PARD3: variants seen among roughly 807,000 people sequenced by gnomAD.
PARD3 encodes par-3 family cell polarity regulator.
A neutral mutation model predicts 155.4 loss-of-function variants in PARD3; 75 were observed. The ratio of observed to expected loss-of-function variants is 0.48; its 90% CI spans 0.40 to 0.58. PARD3 has a LOEUF of 0.58. Ranked by LOEUF, PARD3 falls within the 20% of genes least tolerant of loss-of-function variation. PARD3 has a pLI of 0.00. For missense variants in PARD3, 1,642 were observed against 1,721.7 expected (o/e 0.95, Z 0.82); for synonymous variants, 576 against 610.5 (o/e 0.94, Z 0.83).
chr10:34,553,269 G>A (rs2084732992), intron 2 of PARD3, among the ~76,000 whole-genome samples: 1 of 152,140 alleles, frequency 6.6e-6, no homozygotes, highest in Admixed American at 6.5e-5. Flanking sequence ...GGAAAGGGCT[G>A]GTTAAAGGAA....
intron 21 of PARD3, among the ~76,000 whole-genome samples, chr10:34,281,333 G>C (rs537310090): frequency 2.5e-4 from 38 of 152,248 alleles, no homozygotes; most frequent in Admixed American, 2.1e-3. Context: ...TGAAAAAATA[G>C]GGTACCTAGG....
chr10:34,666,777 TAAAAAAAA>T (rs771593408), intron 2 of PARD3, among the ~76,000 whole-genome samples: 9 of 17,058 alleles, frequency 5.3e-4, no homozygotes, highest in South Asian at 5.6e-3. Flanking sequence ...CCCCTCCCCC[TAAAAAAAA>T]AAAAAAAAAA....
At chr10:34,239,952 T>C (rs1425199146) in intron 22 of PARD3, among the ~76,000 whole-genome samples, 1 of 152,196 alleles carries the variant, frequency 6.6e-6, no homozygotes, top group Non-Finnish European at 1.5e-5. Context: ...ACATCTGTCA[T>C]AGTTCATTTT....
chr10:34,624,495 G>A (rs557093316), intron 2 of PARD3, among the ~76,000 whole-genome samples: 8 of 152,350 alleles, frequency 5.3e-5, no homozygotes, highest in South Asian at 4.1e-4. Flanking sequence ...ACAGTGAGCC[G>A]TGTCACTTCA....
chr10:34,163,257 G>A (rs185783672), intron 22 of PARD3, among the ~76,000 whole-genome samples: 2 of 152,222 alleles, frequency 1.3e-5, no homozygotes, highest in Admixed American at 6.5e-5. Context: ...AGCCGGTGGG[G>A]GGGAGGACAC....
intron 14 of PARD3, among the ~76,000 whole-genome samples, chr10:34,353,727 A>AT (rs1312848528): frequency 0.036 from 3,221 of 88,574 alleles, 47 homozygotes; most frequent in African/African-American, 0.04. Context: ...AAATAAATAA[A>AT]AAAATAAATA....
chr10:34,304,170 G>T (rs1429680078), intron 20 of PARD3, among the ~76,000 whole-genome samples: 1 of 152,092 alleles, frequency 6.6e-6, no homozygotes, highest in African/African-American at 2.4e-5. Context: ...GAGACAGCTG[G>T]TAAGTTTTTC....
intron 1 of PARD3, among the ~76,000 whole-genome samples, chr10:34,745,388 AAAAGGAAGG>A (rs1329065485): frequency 3.0e-4 from 45 of 151,380 alleles, no homozygotes; most frequent in African/African-American, 9.9e-4. Context: ...GAAAGGAAGT[AAAAGGAAGG>A]AAAGGAAGGA....
chr10:34,388,349 T>C (rs1248748546), intron 7 of PARD3, among the ~76,000 whole-genome samples: 1 of 151,810 alleles, frequency 6.6e-6, no homozygotes, highest in African/African-American at 2.4e-5. Flanking sequence ...GAATGAACTA[T>C]CAAAAGAAAA....
At position 34,517,245 on chromosome 10, in the gene PARD3, A is replaced by G. The variant is rs908993711; in HGVS notation, c.223-86T>C. The G allele has an allele frequency of 7.2e-6, 9 of 1,252,542 alleles. No individual in the cohort carries two copies. The African/African-American group carries it at 1.2e-4, about 17-fold the overall frequency. 77.6% of individuals were successfully genotyped at this position (1,252,542 alleles called of 1,614,324 possible). ...TTGTACTATTTTGACATAATTCTACAGTGCAAAAATACTGATATAAATGAC... is the reference window on the plus strand; with the variant it reads ...TTGTACTATTTTGACATAATTCTACGGTGCAAAAATACTGATATAAATGAC... On this transcript the variant is annotated intron_variant, in intron 2 of 24. Coordinates refer to ENST00000374788, the MANE Select transcript of PARD3 (RefSeq NM_001184785.2).
At chr10:34,420,355 T>C (rs1467302082) in intron 5 of PARD3, among the ~76,000 whole-genome samples, 1 of 152,210 alleles carries the variant, frequency 6.6e-6, no homozygotes, top group Non-Finnish European at 1.5e-5. Context: ...TTATTCCTAC[T>C]TGTTTTAGTA....
At chr10:34,405,525 A>C (rs1357647324) in intron 5 of PARD3, among the ~76,000 whole-genome samples, 1 of 152,220 alleles carries the variant, frequency 6.6e-6, no homozygotes, top group African/African-American at 2.4e-5. Context: ...GAAACCAAAA[A>C]AAAGATAAAT....
In PARD3 at chr10:34,533,442, AT is replaced by A. The variant is rs916381987; in HGVS notation, c.223-16284del. On this transcript the variant is annotated intron_variant, in intron 2 of 24. Coordinates refer to ENST00000374788, the MANE Select transcript of PARD3 (RefSeq NM_001184785.2). ...TGAATCCAAAATAAAAGTTGAAAAT[AT>A]TTTTTTAAAAAAGCAATATTCAATC... Among the ~76,000 whole-genome samples the A allele has an allele frequency of 2.0e-5, 3 of 152,148 alleles. No homozygotes were observed. In the South Asian group the frequency reaches 6.2e-4, roughly 32 times the overall value.
intron 1 of PARD3, among the ~76,000 whole-genome samples, chr10:34,740,907 G>A (rs2133880464): frequency 6.6e-6 from 1 of 152,174 alleles, no homozygotes; most frequent in Non-Finnish European, 1.5e-5. Flanking sequence ...ATCACTATAT[G>A]AACAATATGG....
chr10:34,581,052 C>T (rs1441669827), intron 2 of PARD3, among the ~76,000 whole-genome samples: 1 of 152,032 alleles, frequency 6.6e-6, no homozygotes, highest in Non-Finnish European at 1.5e-5. Context: ...TAAAAATTAG[C>T]TTAAGTACTT....
rs142761750 is a variant in PARD3, at chr10:34,254,377, T to TCAAAAACAAAAA, written c.3419+15268_3419+15279dup. Among the ~76,000 whole-genome samples, 443 of 143,074 alleles carry TCAAAAACAAAAA rather than the reference T, an allele frequency of 3.1e-3. 2 individuals are homozygous for TCAAAAACAAAAA. Among genetic ancestry groups the TCAAAAACAAAAA allele is most frequent in the African/African-American group, 0.01 (420 of 40,596 alleles). The allele number at this position is 143,074 out of a possible 152,430, so 93.9% of individuals were successfully genotyped here. A position where few individuals can be genotyped will look rare whatever the true frequency, so the allele number is the denominator to read the frequency against. On this transcript the variant is annotated intron_variant, in intron 22 of 24. Transcript: ENST00000374788. ...CTGGGCGACAGAGCAAGACTCTGTC[T>TCAAAAACAAAAA]CAAAAACAAAAACAAAAACAAAAAC...
intron 20 of PARD3, among the ~76,000 whole-genome samples, chr10:34,287,104 C>A (rs1177412324): frequency 6.6e-6 from 1 of 151,972 alleles, no homozygotes; most frequent in Non-Finnish European, 1.5e-5. Context: ...CAGCATAAGG[C>A]GGGATGGATT....
chr10:34,690,990 A>G (rs1480439313), intron 2 of PARD3, among the ~76,000 whole-genome samples: 1 of 152,164 alleles, frequency 6.6e-6, no homozygotes, highest in Non-Finnish European at 1.5e-5. Flanking sequence ...AGGCAGGAGG[A>G]GCACTTGAGC....
intron 1 of PARD3, among the ~76,000 whole-genome samples, chr10:34,714,361 T>G (rs2094488084): frequency 6.6e-6 from 1 of 152,198 alleles, no homozygotes; most frequent in African/African-American, 2.4e-5. Context: ...TGAACCCTGA[T>G]GAAGGCCTTG....
Sources: allele counts gnomAD v4.1 joint callset (sites outside exome capture counted in the v4.1 genomes callset), GRCh38; gene constraint gnomAD v4.1.1; transcripts MANE v1.5; gene names NCBI Gene and HGNC (gene_info 2026-07-23, HGNC 2026-07-21).